BCL2L13: variants seen among roughly 807,000 people sequenced by gnomAD.
BCL2L13 encodes the protein BCL2 like 13, also known as bcl-2-like protein 13.
In BCL2L13, 13 loss-of-function variants were observed where a neutral mutation model predicts 25.8. The ratio of observed to expected loss-of-function variants is 0.50; its 90% CI spans 0.33 to 0.80. The LOEUF is 0.80. Among genes scored for constraint, BCL2L13 ranks in the 30% least tolerant of loss-of-function variants. BCL2L13 has a pLI of 0.02. For missense variants in BCL2L13, 504 were observed against 574.9 expected (o/e 0.88, Z 1.26); for synonymous variants, 244 against 230.3 (o/e 1.06, Z -0.54).
At chr22:17,668,369 A>G (rs1378213534) in intron 2 of BCL2L13, among the ~76,000 whole-genome samples, 1 of 151,768 alleles carries the variant, frequency 6.6e-6, no homozygotes, top group Non-Finnish European at 1.5e-5. Flanking sequence ...CCATTGGCTA[A>G]TACAAGGTCA....
chr22:17,631,664 G>A (rs28394748), intron 1 of BCL2L13, among the ~76,000 whole-genome samples: 1,944 of 26,784 alleles, frequency 0.073, 212 homozygotes, highest in African/African-American at 0.23. Context: ...ATGTATGTGT[G>A]TGTGTGTATA....
intron 2 of BCL2L13, among the ~76,000 whole-genome samples, chr22:17,671,565 CAAAAA>C (rs35668910): frequency 1.4e-5 from 2 of 141,232 alleles, no homozygotes; most frequent in Non-Finnish European, 3.1e-5. Context: ...GGCTACATCT[CAAAAA>C]AAAAAAAAAA....
chr22:17,638,845 C>T lies in BCL2L13; in HGVS notation c.-92C>T, dbSNP rs1031075176. On this transcript the variant is annotated 5_prime_UTR_variant, in exon 1 of 7. Transcript: ENST00000317582. The stretch of plus-strand genomic sequence containing the variant: ...GGACCCTGTCGGAAGCAACTGCCGC[C>T]GCCGCCTCTTTCATCTCTTCTGGGG... 5 of 1,232,014 alleles carry T rather than the reference C, an allele frequency of 4.1e-6. No individual in the cohort carries two copies. Among genetic ancestry groups the T allele is most frequent in the African/African-American group, 3.1e-5 (2 of 64,428 alleles). The allele number at this position is 1,232,014 out of a possible 1,614,324, so 76.3% of individuals were successfully genotyped here.
chr22:17,653,495 A>ATT (rs34652783), intron 1 of BCL2L13, among the ~76,000 whole-genome samples: 5,012 of 110,572 alleles, frequency 0.045, 181 homozygotes, highest in African/African-American at 0.1. Flanking sequence ...CTCCAGTATG[A>ATT]TTTTTTTTTT....
chr22:17,727,335 G>T lies in BCL2L13; in HGVS notation c.1259G>T (p.Ser420Ile), dbSNP rs958501107. Reference protein sequence around the residue: ...SEKEINAREESLVEELSPASE... With the variant: ...SEKEINAREEILVEELSPASE... Reference sequence around the variant, plus strand: ...AAGGAGATAAACGCAAGGGAAGAGAGCCTTGTGGAAGAGCTGTCCCCTGCC... The same window carrying T: ...AAGGAGATAAACGCAAGGGAAGAGATCCTTGTGGAAGAGCTGTCCCCTGCC... The change falls in exon 7 of 7, where the codon AGC becomes ATC. Residue 420 changes from serine (S) to isoleucine (I), a missense_variant. Coordinates refer to ENST00000317582, the MANE Select transcript of BCL2L13 (RefSeq NM_015367.4). The T allele has an allele frequency of 6.2e-7, 1 of 1,614,266 alleles. No individual in the cohort carries two copies. Among genetic ancestry groups the T allele is most frequent in the African/African-American group, 1.3e-5 (1 of 75,072 alleles).
At chr22:17,721,226 G>A (rs1392616141) in intron 6 of BCL2L13, among the ~76,000 whole-genome samples, 3 of 152,152 alleles carry the variant, frequency 2.0e-5, no homozygotes, top group Middle Eastern at 3.4e-3. Context: ...TCAGATGTGC[G>A]AAATTCAGAC....
At chr22:17,634,464 C>A (rs926449267), upstream of BCL2L13, among the ~76,000 whole-genome samples, 2 of 152,180 alleles carry the variant, frequency 1.3e-5, no homozygotes, top group African/African-American at 4.8e-5. Flanking sequence ...GGACTACAGG[C>A]GTGAGCCATC....
intron 5 of BCL2L13, 137 bp downstream of exon 5, chr22:17,696,347 T>G (rs1206631309): frequency 6.4e-6 from 5 of 781,072 alleles, no homozygotes; most frequent in Non-Finnish European, 8.4e-6. Flanking sequence ...AGGGGATATT[T>G]TTGGTTAAAC....
intron 1 of BCL2L13, among the ~76,000 whole-genome samples, chr22:17,646,664 A>G (rs1205016808): frequency 6.8e-6 from 1 of 147,376 alleles, no homozygotes; most frequent in African/African-American, 2.7e-5. Flanking sequence ...TCAATGAGTA[A>G]AGGTAACTAT....
intron 6 of BCL2L13, among the ~76,000 whole-genome samples, chr22:17,724,060 G>A (rs982031993): frequency 6.6e-6 from 1 of 152,150 alleles, no homozygotes; most frequent in Non-Finnish European, 1.5e-5. Flanking sequence ...ATTGCTTGAA[G>A]CCAGGAGTTT....
intron 6 of BCL2L13, among the ~76,000 whole-genome samples, chr22:17,714,958 T>A (rs2060871424): frequency 6.6e-6 from 1 of 151,092 alleles, no homozygotes; most frequent in Admixed American, 6.6e-5. Flanking sequence ...CTGGGCAACA[T>A]AGCAAGACCT....
chr22:17,697,902 C>G (rs1031255450), intron 5 of BCL2L13, among the ~76,000 whole-genome samples: 1 of 152,096 alleles, frequency 6.6e-6, no homozygotes, highest in Non-Finnish European at 1.5e-5. Context: ...GATCTTGGCT[C>G]ACTGCAACCT....
intron 1 of BCL2L13, among the ~76,000 whole-genome samples, chr22:17,646,482 C>T (rs950974090): frequency 6.6e-6 from 1 of 151,072 alleles, no homozygotes; most frequent in South Asian, 2.1e-4. Flanking sequence ...CTCCTGACCT[C>T]AGGTGATCCG....
intron 1 of BCL2L13, among the ~76,000 whole-genome samples, chr22:17,650,740 C>T (rs1224878955): frequency 6.6e-6 from 1 of 152,076 alleles, no homozygotes; most frequent in African/African-American, 2.4e-5. Flanking sequence ...TAGGATCTTG[C>T]TCTGTCACCC....
chr22:17,646,951 ATATATTTTTTTT>A (rs2058505897), intron 1 of BCL2L13, among the ~76,000 whole-genome samples: 2 of 21,894 alleles, frequency 9.1e-5, no homozygotes, highest in African/African-American at 3.4e-4. Flanking sequence ...ATATATATAT[ATATATTTTTTTT>A]TTTTTTTTTT....
At position 17,681,763 on chromosome 22, in the gene BCL2L13, C is replaced by T. The variant is rs75594418; in HGVS notation, c.122-1451C>T. Among the ~76,000 whole-genome samples, 464 of 152,108 alleles carry T rather than the reference C, an allele frequency of 3.1e-3. 6 individuals are homozygous for T. The highest frequency in any genetic ancestry group is 0.01 in the African/African-American group (430 of 41,488). On this transcript the variant is annotated intron_variant, in intron 2 of 6. Coordinates refer to ENST00000317582, the MANE Select transcript of BCL2L13 (RefSeq NM_015367.4). ...ATATAGTCCATGCTTGCAAGAATGG[C>T]GAGAGGCGACATTGTGCAGGGGTTA...
chr22:17,660,651 C>T (rs113850159), intron 2 of BCL2L13, among the ~76,000 whole-genome samples: 2,015 of 145,876 alleles, frequency 0.014, 299 homozygotes, highest in Middle Eastern at 0.033. Context: ...TCTTGAACTC[C>T]GGACCTCAAG....
chr22:17,703,973 T>C (rs994600392), intron 6 of BCL2L13, among the ~76,000 whole-genome samples: 1 of 152,222 alleles, frequency 6.6e-6, no homozygotes, highest in African/African-American at 2.4e-5. Flanking sequence ...TATGATGATG[T>C]AGTACATCAA....
chr22:17,629,054 G>C (rs2057948413), intron 1 of BCL2L13: 2 of 221,728 alleles, frequency 9.0e-6, no homozygotes, highest in Non-Finnish European at 1.9e-5. Flanking sequence ...TAATTACACA[G>C]GGTTATGGGC....
Sources: allele counts gnomAD v4.1 joint callset (sites outside exome capture counted in the v4.1 genomes callset), GRCh38; gene constraint gnomAD v4.1.1; transcripts MANE v1.5; gene names NCBI Gene and HGNC (gene_info 2026-07-23, HGNC 2026-07-21).